Variants in SPAG17 observed in about 807,000 individuals in gnomAD.
The protein encoded by SPAG17 is sperm associated antigen 17.
In SPAG17, 169 loss-of-function variants were observed where a neutral mutation model predicts 273.6. The ratio of observed to expected loss-of-function variants is 0.62; its 90% confidence interval spans 0.55 to 0.70. The LOEUF (loss-of-function observed/expected upper bound fraction) is 0.70, where lower values mean the gene tolerates loss of function less well. Ranked by LOEUF, SPAG17 falls within the 30% of genes least tolerant of loss-of-function variation. The probability of loss-of-function intolerance (pLI) is 0.00; values close to 1 mark genes in which losing one functional copy is unlikely to be tolerated. For missense variants in SPAG17, 2,557 were observed against 2,627.8 expected, an observed-to-expected ratio of 0.97 and a Z score of 0.59; for synonymous variants, 825 against 873.2, an observed-to-expected ratio of 0.94 and a Z score of 0.97.
intron 28 of SPAG17, among the ~76,000 whole-genome samples, chr1:118,020,188 G>C (rs1660365383): frequency 6.6e-6 from 1 of 152,192 alleles, no homozygotes; most frequent in African/African-American, 2.4e-5. Context: ...GGGGGCCAAG[G>C]CAAGCGGATC....
In SPAG17 at chr1:118,125,888, T is replaced by A. The variant is rs114017100; in HGVS notation, c.316-10447A>T. Among the ~76,000 whole-genome samples, 694 of 152,288 alleles carry A rather than the reference T, an allele frequency of 4.6e-3. 7 individuals are homozygous for A. Among genetic ancestry groups the A allele is most frequent in the African/African-American group, 0.016 (666 of 41,570 alleles). On this transcript the variant is annotated intron_variant, in intron 3 of 48. Transcript: ENST00000336338. ...GTTTCTTTTCCTTTGGATAAATACC[T>A]AATAGGGGAATGGTGGATCATATAG... is the stretch of plus-strand genomic sequence containing the variant.
chr1:118,053,938 C>T (rs943776121), intron 20 of SPAG17, 64 bp downstream of exon 20: 1 of 1,229,138 alleles, frequency 8.1e-7, no homozygotes, highest in Non-Finnish European at 1.2e-6. Context: ...CAAAGTCAAC[C>T]ACTATCCTGT....
chr1:117,974,065 C>G (rs963739359), intron 43 of SPAG17, among the ~76,000 whole-genome samples: 2 of 152,168 alleles, frequency 1.3e-5, no homozygotes, highest in Non-Finnish European at 2.9e-5. Flanking sequence ...TCCAATCCAT[C>G]ATTGATGGGC....
At chr1:118,072,330 C>T (rs1413849805) in intron 17 of SPAG17, among the ~76,000 whole-genome samples, 1 of 152,090 alleles carries the variant, frequency 6.6e-6, no homozygotes, top group Non-Finnish European at 1.5e-5. Flanking sequence ...AGATGATTCT[C>T]TACAAAAAAG....
intron 35 of SPAG17, among the ~76,000 whole-genome samples, 164 bp from the exon 36 acceptor site, chr1:117,992,812 A>G (rs983181795): frequency 2.6e-5 from 4 of 152,180 alleles, no homozygotes; most frequent in Non-Finnish European, 5.9e-5. Context: ...AATATAAGGA[A>G]AATCGATAAC....
intron 43 of SPAG17, among the ~76,000 whole-genome samples, chr1:117,975,588 T>A (rs1453310446): frequency 6.6e-6 from 1 of 152,184 alleles, no homozygotes; most frequent in Admixed American, 6.5e-5. Flanking sequence ...CATGCTCCTT[T>A]TACTACTCCG....
intron 46 of SPAG17, 93 bp from the exon 47 acceptor site, chr1:117,966,846 T>G: frequency 9.0e-7 from 1 of 1,110,484 alleles, no homozygotes; most frequent in Non-Finnish European, 1.2e-6. Flanking sequence ...TTAAACTCTC[T>G]TACCTTTGGT....
intron 4 of SPAG17, among the ~76,000 whole-genome samples, chr1:118,108,245 A>C (rs1201706094): frequency 2.0e-5 from 3 of 152,248 alleles, no homozygotes; most frequent in Admixed American, 6.5e-5. Flanking sequence ...AATTCTGGAG[A>C]GTGATTGACT....
intron 17 of SPAG17, among the ~76,000 whole-genome samples, chr1:118,067,207 GCATTTTC>G (rs1436700704): frequency 1.3e-5 from 2 of 152,132 alleles, no homozygotes; most frequent in Non-Finnish European, 2.9e-5. Flanking sequence ...CATTTATCTA[GCATTTTC>G]CATGCCTTGA....
chr1:117,984,396 A>G (rs1051929361), intron 41 of SPAG17, among the ~76,000 whole-genome samples: 1 of 152,218 alleles, frequency 6.6e-6, no homozygotes, highest in African/African-American at 2.4e-5. Flanking sequence ...CTGCCTAAAA[A>G]GGCTTAACAT....
At chr1:118,003,785 G>C (rs1271477607) in intron 32 of SPAG17, among the ~76,000 whole-genome samples, 2 of 152,156 alleles carry the variant, frequency 1.3e-5, no homozygotes, top group Admixed American at 6.5e-5. Context: ...AGAGAAGTTT[G>C]TTATAACTGA....
intron 30 of SPAG17, among the ~76,000 whole-genome samples, chr1:118,010,540 T>G (rs1659366165): frequency 6.6e-6 from 1 of 152,128 alleles, no homozygotes; most frequent in Non-Finnish European, 1.5e-5. Context: ...CACCCCTTCC[T>G]TACACCATAT....
rs866621945 is a variant in SPAG17, at chr1:117,972,048, C to T, written c.6142-1G>A. The T allele has an allele frequency of 1.3e-6, 2 of 1,595,028 alleles. No individual in the cohort carries two copies. The highest frequency in any genetic ancestry group is 1.7e-6 in the Non-Finnish European group (2 of 1,172,580). ...CTTTTCCTCCAACAGAATCTTGCAC[C>T]TTTGCATTAAGAAAAAATTAATAAA... On this transcript the variant is annotated splice_acceptor_variant, in intron 44 of 48. Transcript: ENST00000336338. LOFTEE classifies it high-confidence loss of function.
At chr1:118,007,534 C>T (rs1659019194) in intron 31 of SPAG17, among the ~76,000 whole-genome samples, 1 of 152,172 alleles carries the variant, frequency 6.6e-6, no homozygotes, top group Non-Finnish European at 1.5e-5. Context: ...ACTGCTCCTC[C>T]TTGGCCTTCC....
At position 118,055,806 on chromosome 1, in the gene SPAG17, C is replaced by T. The variant is rs1651607522; in HGVS notation, c.2649G>A (p.Glu883=). The change falls in exon 19 of 49, where the codon GAG becomes GAA. Residue 883 remains glutamate, a synonymous_variant. Transcript: ENST00000336338. ...MNEKIIRTRA[E]LELKSSANAK... ...CATTAGCAGAAGATTTCAATTCCAG[C>T]TCAGCTCTGGTCCTGATGATTTTCT... 6.2e-7 allele frequency: 1 copy of T among 1,613,106 alleles called. No homozygotes were observed. Among genetic ancestry groups the T allele is most frequent in the African/African-American group, 1.3e-5 (1 of 74,892 alleles).
At chr1:118,020,421 T>C (rs2101825939) in intron 28 of SPAG17, among the ~76,000 whole-genome samples, 1 of 148,670 alleles carries the variant, frequency 6.7e-6, no homozygotes, top group Non-Finnish European at 1.5e-5. Context: ...GGCAACAGAG[T>C]GACACTGTGT....
Position 118,081,425 on chromosome 1 carries a change from C to T in SPAG17, c.1980G>A (p.Lys660=), listed in dbSNP as rs533777686. 1 of 1,613,710 alleles carries T rather than the reference C, an allele frequency of 6.2e-7. No individual in the cohort carries two copies. Among genetic ancestry groups the T allele is most frequent in the African/African-American group, 1.3e-5 (1 of 74,968 alleles). Residue 660 remains lysine (K), a synonymous_variant, in exon 14 of 49, where the codon AAG becomes AAA. Transcript: ENST00000336338. ...YVMKMNTQEA[K]QKADIKIKDR... ...CTCCATGCAGTGTACCTGCTTTCTGCTTGGCCTCTTGAGTATTCATTTTCA... is the reference window on the plus strand; with the variant it reads ...CTCCATGCAGTGTACCTGCTTTCTGTTTGGCCTCTTGAGTATTCATTTTCA...
chr1:118,039,480 T>G (rs749744905), intron 22 of SPAG17, 36 bp from the exon 23 acceptor site: 1 of 1,606,370 alleles, frequency 6.2e-7, no homozygotes, highest in South Asian at 1.1e-5. Flanking sequence ...ATGGGCTGAT[T>G]AGGATGCCAC....
Position 118,009,190 on chromosome 1 carries a change from T to G in SPAG17, c.4433-992A>C, listed in dbSNP as rs1196240189. On this transcript the variant is annotated intron_variant, in intron 30 of 48. Transcript: ENST00000336338. ...GTAATGTATAGCATAAAAACTATAG[T>G]CAATAACTTGTATTGTATAATGACG... Among the ~76,000 whole-genome samples, 70 of 150,784 alleles carry G rather than the reference T, an allele frequency of 4.6e-4. 2 individuals are homozygous for G. Among genetic ancestry groups the G allele is most frequent in the Non-Finnish European group, 3.2e-4 (22 of 67,854 alleles).
Sources: allele counts gnomAD v4.1 joint callset (sites outside exome capture counted in the v4.1 genomes callset), GRCh38; gene constraint gnomAD v4.1.1; transcripts MANE v1.5; gene names NCBI Gene and HGNC (gene_info 2026-07-23, HGNC 2026-07-21).